Variants in RGS5 observed in about 807,000 individuals in gnomAD.
RGS5 encodes regulator of G-protein signalling 5.
In RGS5, 20 loss-of-function variants were observed where a neutral mutation model predicts 18.9. That is an observed-to-expected ratio of 1.06 (90% CI 0.74 to 1.54). RGS5 has a LOEUF of 1.54. Ranked by LOEUF, RGS5 falls within the 40% of genes most tolerant of loss-of-function variation. The pLI is 0.00. For synonymous variants in RGS5, 57 were observed against 76.2 expected, an observed-to-expected ratio of 0.75 and a Z score of 1.31; for missense variants, 201 against 211.8, an observed-to-expected ratio of 0.95 and a Z score of 0.32.
At chr1:163,222,746 A>G (rs1394870504) in intron 2 of RGS5, among the ~76,000 whole-genome samples, 1 of 152,238 alleles carries the variant, frequency 6.6e-6, no homozygotes, top group Non-Finnish European at 1.5e-5. Context: ...AACTAGGTTA[A>G]AGACAGGGGT....
intron 1 of RGS5, chr1:163,212,399 A>T (rs1660127620): frequency 6.6e-6 from 1 of 152,258 alleles, no homozygotes; most frequent in Non-Finnish European, 1.5e-5. Context: ...ATACCCACAA[A>T]TATCATAGCA....
chr1:163,304,768 T>C (rs1649650950), intron 2 of RGS5: 1 of 152,254 alleles, frequency 6.6e-6, no homozygotes, highest in Non-Finnish European at 1.5e-5. Flanking sequence ...AGATGTTTAA[T>C]AGTCAATACA....
At chr1:163,320,666 A>G (rs1398788909) in intron 1 of RGS5, among the ~76,000 whole-genome samples, 1 of 152,168 alleles carries the variant, frequency 6.6e-6, no homozygotes, top group Non-Finnish European at 1.5e-5. Flanking sequence ...TATTTTTTTA[A>G]AATCTATTTT....
rs188968855 is a variant in RGS5 at position 163,298,992 on chromosome 1, G to A, written c.-281+7241C>T. Reference sequence around the variant, plus strand: ...ATTTCTGTGATAGAAGCACATACATGAGAGGATGGCCATTTGTGTTTCTCA... The same window carrying A: ...ATTTCTGTGATAGAAGCACATACATAAGAGGATGGCCATTTGTGTTTCTCA... On this transcript the variant is annotated intron_variant, in intron 2 of 5. Transcript: ENST00000618415. 6.6e-4 allele frequency among the ~76,000 whole-genome samples: 99 copies of A among 150,684 alleles called. 2 individuals are homozygous for A. The highest frequency in any genetic ancestry group is 2.4e-3 in the African/African-American group (96 of 40,764).
Position 163,277,310 on chromosome 1 carries a change from T to C in RGS5, c.-281+28923A>G, listed in dbSNP as rs137859467. 2.8e-3 allele frequency among the ~76,000 whole-genome samples: 426 copies of C among 152,276 alleles called. 3 individuals are homozygous for C. Among genetic ancestry groups the C allele is most frequent in the African/African-American group, 9.8e-3 (407 of 41,566 alleles). ...ATGCATTATGTCTCTCTAAAATGCA[T>C]AAAAGCAAGCAGTGCCCCACCCATC... On this transcript the variant is annotated intron_variant, in intron 2 of 5. Transcript: ENST00000618415.
In RGS5 at chr1:163,192,149, G is replaced by A. The variant is rs559540080; in HGVS notation, c.44+10643C>T. Among the ~76,000 whole-genome samples, 16 of 152,202 alleles carry A rather than the reference G, an allele frequency of 1.1e-4. No individual in the cohort carries two copies. In the East Asian group the frequency reaches 2.5e-3, roughly 24 times the overall value. ...TCAGTAAAAGTAAAAATGTTTTCCCGTGTCTTATGAGACATTATATAAATT... is the reference window on the plus strand; with the variant it reads ...TCAGTAAAAGTAAAAATGTTTTCCCATGTCTTATGAGACATTATATAAATT... On this transcript the variant is annotated intron_variant, in intron 1 of 4. Transcript: ENST00000313961.
chr1:163,226,427 G>C (rs990016553), intron 2 of RGS5, among the ~76,000 whole-genome samples: 1 of 152,154 alleles, frequency 6.6e-6, no homozygotes, highest in Non-Finnish European at 1.5e-5. Context: ...AAGTTTGAAT[G>C]AGTGGCCCCA....
chr1:163,283,585 T>C (rs1392499410), intron 2 of RGS5, among the ~76,000 whole-genome samples: 2 of 152,200 alleles, frequency 1.3e-5, no homozygotes, highest in African/African-American at 4.8e-5. Flanking sequence ...TAGAATCCAG[T>C]GACTTGCTTC....
chr1:163,279,691 T>A (rs1648942513), intron 2 of RGS5, among the ~76,000 whole-genome samples: 1 of 151,810 alleles, frequency 6.6e-6, no homozygotes, highest in African/African-American at 2.4e-5. Flanking sequence ...AAACAGGGAC[T>A]TTAAAACACA....
intron 2 of RGS5, among the ~76,000 whole-genome samples, chr1:163,247,642 T>C (rs1382511478): frequency 6.6e-6 from 1 of 151,460 alleles, no homozygotes; most frequent in Non-Finnish European, 1.5e-5. Flanking sequence ...AGGTTTTATA[T>C]ATAACCTTTT....
chr1:163,224,468 T>C (rs974133525), intron 2 of RGS5, among the ~76,000 whole-genome samples: 6 of 152,214 alleles, frequency 3.9e-5, no homozygotes, highest in African/African-American at 1.4e-4. Context: ...AACATTTACA[T>C]AGGTTCCATA....
chr1:163,188,872 A>C (rs1659211929), intron 1 of RGS5, among the ~76,000 whole-genome samples: 1 of 149,998 alleles, frequency 6.7e-6, no homozygotes, highest in African/African-American at 2.5e-5. Context: ...AGAATCGCTT[A>C]AACCTGGGAG....
intron 2 of RGS5, among the ~76,000 whole-genome samples, chr1:163,224,686 A>G (rs1647296152): frequency 1.3e-5 from 2 of 152,168 alleles, no homozygotes; most frequent in African/African-American, 2.4e-5. Context: ...TCCTTTCTCC[A>G]TATCCTCACC....
chr1:163,223,851 GA>G (rs1158280132), intron 2 of RGS5, among the ~76,000 whole-genome samples: 2 of 152,172 alleles, frequency 1.3e-5, no homozygotes, highest in African/African-American at 4.8e-5. Flanking sequence ...CAAATTTGCT[GA>G]GATTGAAGTC....
intron 2 of RGS5, among the ~76,000 whole-genome samples, chr1:163,282,578 C>T (rs979289697): frequency 1.3e-5 from 2 of 152,054 alleles, no homozygotes; most frequent in African/African-American, 4.8e-5. Context: ...GGCATGTTTG[C>T]ACTTGCCTGC....
chr1:163,147,511 C>A lies in RGS5; in HGVS notation c.385-8G>T. On this transcript the variant is annotated splice_region_variant and splice_polypyrimidine_tract_variant and intron_variant, in intron 4 of 4. Coordinates refer to ENST00000313961, the MANE Select transcript of RGS5 (RefSeq NM_003617.4). ...GAAGTGGTCAATATTCACCTGTGGG[C>A]CAGGAAACAGGGTCACTACATAAGC... 1.3e-6 allele frequency: 2 copies of A among 1,565,468 alleles called. No individual in the cohort carries two copies. The highest frequency in any genetic ancestry group is 1.7e-6 in the Non-Finnish European group (2 of 1,158,902).
At chr1:163,286,379 A>G (rs1232563532) in intron 2 of RGS5, among the ~76,000 whole-genome samples, 3 of 152,178 alleles carry the variant, frequency 2.0e-5, no homozygotes, top group African/African-American at 7.2e-5. Flanking sequence ...AAACTGAGGA[A>G]GACCATACAC....
chr1:163,297,488 AT>A (rs1406324730), intron 2 of RGS5, among the ~76,000 whole-genome samples: 1 of 152,048 alleles, frequency 6.6e-6, no homozygotes, highest in African/African-American at 2.4e-5. Flanking sequence ...CCTTTCCCTA[AT>A]TAGGATTCCC....
rs184787681 is a variant in RGS5, at chr1:163,256,868, C to T, written c.-281+49365G>A. On this transcript the variant is annotated intron_variant, in intron 2 of 5. Coordinates refer to the RGS5 transcript ENST00000618415. ...GAAGAGCATAGTCACAAAATCACAC[C>T]GATATTTAGAAAACAACTTGTTTAA... Among the ~76,000 whole-genome samples the T allele has an allele frequency of 3.3e-5, 5 of 152,118 alleles. No homozygotes were observed. The East Asian group carries it at 9.7e-4, about 30-fold the overall frequency.
Sources: allele counts gnomAD v4.1 joint callset (sites outside exome capture counted in the v4.1 genomes callset), GRCh38; gene constraint gnomAD v4.1.1; transcripts MANE v1.5; gene names NCBI Gene and HGNC (gene_info 2026-07-23, HGNC 2026-07-21).